Variants in ACOXL observed in about 807,000 individuals in gnomAD.
The protein encoded by ACOXL is acyl-coenzyme A oxidase-like protein.
Under a neutral mutation model 71.9 loss-of-function variants are expected in ACOXL, and 70 were observed. The ratio of observed to expected loss-of-function variants is 0.97; its 90% CI spans 0.80 to 1.19. The LOEUF is 1.19. Among genes scored for constraint, ACOXL ranks in the 50% most tolerant of loss-of-function variants. ACOXL has a pLI of 0.00. For missense variants in ACOXL, 703 were observed against 736.3 expected (o/e 0.95, Z 0.52); for synonymous variants, 253 against 281.6 (o/e 0.90, Z 1.02).
At chr2:110,780,272 C>T (rs909650001) in intron 2 of ACOXL, among the ~76,000 whole-genome samples, 1 of 152,198 alleles carries the variant, frequency 6.6e-6, no homozygotes, top group African/African-American at 2.4e-5. Context: ...TACACTCCCT[C>T]CAGAGTAGCT....
At chr2:110,789,210 T>C (rs1369765005) in intron 3 of ACOXL, among the ~76,000 whole-genome samples, 3 of 152,180 alleles carry the variant, frequency 2.0e-5, no homozygotes, top group Non-Finnish European at 1.5e-5. Context: ...AGATTGTCTT[T>C]ATTGGTGCTT....
intron 2 of ACOXL, among the ~76,000 whole-genome samples, chr2:110,779,735 C>T (rs1013731727): frequency 1.3e-5 from 2 of 152,168 alleles, no homozygotes; most frequent in African/African-American, 4.8e-5. Context: ...GTAAACGATG[C>T]TGGAACAACT....
intron 14 of ACOXL, among the ~76,000 whole-genome samples, chr2:111,025,568 T>C (rs576218125): frequency 6.6e-6 from 1 of 152,324 alleles, no homozygotes; most frequent in African/African-American, 2.4e-5. Context: ...GTTTCTCAGA[T>C]CTTCTTCATG....
rs1167209697 is a variant in ACOXL at position 111,076,725 on chromosome 2, C to CA, written c.1441-16134dup. ...CTGCAAGGTTGATGACATAAAACAA[C>CA]AAAAAATTATTCTTTCATAGTTTTA... On this transcript the variant is annotated intron_variant, in intron 16 of 17. Transcript: ENST00000439055. Among the ~76,000 whole-genome samples the CA allele has an allele frequency of 9.2e-5, 14 of 152,104 alleles. 1 individual carries two copies. The highest frequency in any genetic ancestry group is 2.9e-4 in the African/African-American group (12 of 41,416).
intron 16 of ACOXL, among the ~76,000 whole-genome samples, chr2:111,079,538 C>T (rs1412772162): frequency 6.6e-6 from 1 of 152,192 alleles, no homozygotes; most frequent in East Asian, 1.9e-4. Flanking sequence ...CCTCATCCTC[C>T]AGCCAGAAAG....
chr2:110,771,081 T>C (rs1559240374), intron 2 of ACOXL, among the ~76,000 whole-genome samples: 1 of 152,128 alleles, frequency 6.6e-6, no homozygotes, highest in Non-Finnish European at 1.5e-5. Context: ...CCCTAGACCA[T>C]CCCTCCAGTC....
chr2:110,825,539 C>G (rs1689069810), intron 9 of ACOXL, among the ~76,000 whole-genome samples: 1 of 152,104 alleles, frequency 6.6e-6, no homozygotes, highest in Non-Finnish European at 1.5e-5. Context: ...CGGCTTTTTT[C>G]ACTGAACACT....
At chr2:110,849,449 A>G (rs1258099926) in intron 10 of ACOXL, among the ~76,000 whole-genome samples, 1 of 152,194 alleles carries the variant, frequency 6.6e-6, no homozygotes, top group African/African-American at 2.4e-5. Context: ...ATAATTCAAA[A>G]AATTTTATGG....
Position 110,851,123 on chromosome 2 carries a change from A to G in ACOXL, c.788+9718A>G, listed in dbSNP as rs952515985. On this transcript the variant is annotated intron_variant, in intron 10 of 17. Transcript: ENST00000439055. The stretch of plus-strand genomic sequence containing the variant: ...CACCAGGTGGGTGGAGGAGTTGACT[A>G]GAAAGCAAAGTGAGGGATTTTTGGG... Among the ~76,000 whole-genome samples the G allele has an allele frequency of 3.9e-5, 6 of 152,348 alleles. No homozygotes were observed. The South Asian group carries it at 1.2e-3, about 32-fold the overall frequency.
At chr2:111,037,725 C>T (rs372784186) in intron 15 of ACOXL, among the ~76,000 whole-genome samples, 8 of 152,270 alleles carry the variant, frequency 5.3e-5, no homozygotes, top group African/African-American at 1.7e-4. Flanking sequence ...TGGGGTCACA[C>T]GCTAATAAGC....
At chr2:110,778,331 A>G (rs552717313) in intron 2 of ACOXL, among the ~76,000 whole-genome samples, 2 of 152,340 alleles carry the variant, frequency 1.3e-5, no homozygotes, top group South Asian at 4.1e-4. Flanking sequence ...CATTACAGGA[A>G]AGTTAAAAAT....
At chr2:110,858,978 C>G (rs1353428870) in intron 10 of ACOXL, among the ~76,000 whole-genome samples, 4 of 152,154 alleles carry the variant, frequency 2.6e-5, no homozygotes, top group African/African-American at 9.7e-5. Context: ...GTATATAACA[C>G]AATAAAATTC....
At chr2:110,807,859 T>G (rs1686858634) in intron 9 of ACOXL, among the ~76,000 whole-genome samples, 1 of 152,226 alleles carries the variant, frequency 6.6e-6, no homozygotes. Context: ...CCGTTTCTCC[T>G]ACGTGCGTTC....
At chr2:110,930,191 T>A (rs1036181546) in intron 11 of ACOXL, among the ~76,000 whole-genome samples, 1 of 152,230 alleles carries the variant, frequency 6.6e-6, no homozygotes, top group Non-Finnish European at 1.5e-5. Context: ...GGAGCAGAGC[T>A]GCCCAAGACC....
At chr2:110,749,497 C>T (rs563698957) in intron 1 of ACOXL, among the ~76,000 whole-genome samples, 123 of 152,164 alleles carry the variant, frequency 8.1e-4, no homozygotes, top group Admixed American at 1.4e-3. Context: ...AGGCTGAGGC[C>T]GGTGGATCAC....
In ACOXL at chr2:110,734,558, C is replaced by A. The variant is rs111926911; in HGVS notation, c.-23+1784C>A. Among the ~76,000 whole-genome samples the A allele has an allele frequency of 1.1e-3, 174 of 152,154 alleles. 1 individual carries two copies. The highest frequency in any genetic ancestry group is 4.1e-3 in the African/African-American group (170 of 41,514). ...AGTGCTGGGACCTCATAATTCTTAA[C>A]AGTGCAAAGAGTTCCTAAAATCAAT... On this transcript the variant is annotated intron_variant, in intron 1 of 17. Coordinates refer to ENST00000439055, the MANE Select transcript of ACOXL (RefSeq NM_001142807.4).
intron 10 of ACOXL, among the ~76,000 whole-genome samples, chr2:110,858,537 G>A (rs1344665728): frequency 6.6e-6 from 1 of 152,216 alleles, no homozygotes; most frequent in Non-Finnish European, 1.5e-5. Context: ...GCCTGTGGTA[G>A]CAGTCTGCTG....
chr2:110,996,382 G>A lies in ACOXL; in HGVS notation c.1281+378G>A, dbSNP rs577498543. ...CAGGCATATGTAAAAATTAACATTG[G>A]GTTAGTCTAAGATGCATTCTGTCTC... is the stretch of plus-strand genomic sequence containing the variant. On this transcript the variant is annotated intron_variant, in intron 14 of 17. Coordinates refer to ENST00000439055, the MANE Select transcript of ACOXL (RefSeq NM_001142807.4). Among the ~76,000 whole-genome samples the A allele has an allele frequency of 3.3e-5, 5 of 152,196 alleles. No individual in the cohort carries two copies. The South Asian group carries it at 1.0e-3, about 32-fold the overall frequency.
chr2:110,748,475 A>G (rs372712024), intron 1 of ACOXL, among the ~76,000 whole-genome samples: 2 of 152,158 alleles, frequency 1.3e-5, no homozygotes, highest in Non-Finnish European at 2.9e-5. Context: ...GACTTTGCCA[A>G]TTAGCAGCTG....
Sources: gnomAD v4.1 joint callset for allele counts (sites outside exome capture counted in the v4.1 genomes callset) on GRCh38, gnomAD v4.1.1 for gene constraint, MANE v1.5 for transcripts, NCBI Gene and HGNC (gene_info 2026-07-23, HGNC 2026-07-21) for gene names.